Variants in PCDH15 observed in about 807,000 individuals in gnomAD.
The protein encoded by PCDH15 is protocadherin-15.
Under a neutral mutation model 178.5 loss-of-function variants are expected in PCDH15, and 129 were observed. The observed-to-expected ratio is 0.72, with a 90% CI of 0.63 to 0.84. The LOEUF is 0.84. Among genes scored for constraint, PCDH15 ranks in the 40% least tolerant of loss-of-function variants. The probability of loss-of-function intolerance (pLI) is 0.00; values close to 1 mark genes in which losing one functional copy is unlikely to be tolerated. For missense variants in PCDH15, 2,230 were observed against 2,099.9 expected (o/e 1.06, Z -1.21); for synonymous variants, 800 against 732.0 (o/e 1.09, Z -1.50).
chr10:54,884,076 T>C (rs773203570), intron 3 of PCDH15, among the ~76,000 whole-genome samples: 2 of 152,056 alleles, frequency 1.3e-5, no homozygotes, highest in Admixed American at 1.3e-4. Flanking sequence ...TTTATGTTTT[T>C]ATGTGGCTCA....
At chr10:54,595,026 C>T (rs2092137319) in intron 2 of PCDH15, among the ~76,000 whole-genome samples, 1 of 152,218 alleles carries the variant, frequency 6.6e-6, no homozygotes, top group South Asian at 2.1e-4. Context: ...CAAATGTGCA[C>T]ACCATTGCCA....
At chr10:54,513,856 A>G (rs2081949917) in intron 3 of PCDH15, among the ~76,000 whole-genome samples, 1 of 152,186 alleles carries the variant, frequency 6.6e-6, no homozygotes, top group Non-Finnish European at 1.5e-5. Context: ...CAAAAAAGAT[A>G]GTCTTTGCCC....
At chr10:55,042,204 G>T (rs1300899050) in intron 2 of PCDH15, among the ~76,000 whole-genome samples, 1 of 152,092 alleles carries the variant, frequency 6.6e-6, no homozygotes, top group Non-Finnish European at 1.5e-5. Context: ...CCCTCTGAAG[G>T]AAGAATAGGC....
At chr10:54,390,011 T>A (rs1950359503) in intron 3 of PCDH15, among the ~76,000 whole-genome samples, 1 of 152,304 alleles carries the variant, frequency 6.6e-6, no homozygotes, top group Non-Finnish European at 1.5e-5. Flanking sequence ...AACCTTGTTT[T>A]ATAATGTGCT....
chr10:54,721,415 T>A (rs1200621274), intron 1 of PCDH15, among the ~76,000 whole-genome samples: 1 of 150,946 alleles, frequency 6.6e-6, no homozygotes, highest in Non-Finnish European at 1.5e-5. Flanking sequence ...ACCAAATAAA[T>A]AACAAAAAGG....
At chr10:54,534,139 C>T (rs187235829) in intron 2 of PCDH15, among the ~76,000 whole-genome samples, 6 of 152,122 alleles carry the variant, frequency 3.9e-5, no homozygotes, top group African/African-American at 1.2e-4. Flanking sequence ...TTATTAGTAT[C>T]CTTATTTTCA....
At chr10:55,391,028 C>T (rs1422519517) in intron 2 of PCDH15, among the ~76,000 whole-genome samples, 1 of 152,184 alleles carries the variant, frequency 6.6e-6, no homozygotes, top group African/African-American at 2.4e-5. Context: ...TCAGCCTATC[C>T]TTTGAAGCTT....
At chr10:54,933,770 A>C (rs1468832483) in intron 2 of PCDH15, among the ~76,000 whole-genome samples, 1 of 152,146 alleles carries the variant, frequency 6.6e-6, no homozygotes, top group African/African-American at 2.4e-5. Flanking sequence ...AAACTTTATC[A>C]GTGAAAAACT....
intron 1 of PCDH15, among the ~76,000 whole-genome samples, chr10:54,752,530 A>AAAAAAAAAAAAAAAAC: frequency 2.3e-5 from 1 of 43,948 alleles, no homozygotes; most frequent in East Asian, 2.7e-4. Flanking sequence ...ACAAACAAAC[A>AAAAAAAAAAAAAAAAC]AAAAAAAACA....
At chr10:54,535,597 C>G (rs1373761936) in intron 2 of PCDH15, among the ~76,000 whole-genome samples, 1 of 148,204 alleles carries the variant, frequency 6.7e-6, no homozygotes, top group Admixed American at 6.9e-5. Context: ...GTAGTCCCAG[C>G]TATTCGGGAG....
At chr10:53,841,850 T>A (rs2077667335) in intron 28 of PCDH15, among the ~76,000 whole-genome samples, 1 of 150,686 alleles carries the variant, frequency 6.6e-6, no homozygotes, top group African/African-American at 2.4e-5. Flanking sequence ...CAATTCCAGC[T>A]AGTCGGGAGA....
At chr10:55,331,286 T>C (rs1263588285) in intron 2 of PCDH15, among the ~76,000 whole-genome samples, 1 of 152,018 alleles carries the variant, frequency 6.6e-6, no homozygotes, top group Non-Finnish European at 1.5e-5. Flanking sequence ...GAATGATTTG[T>C]AGTACTGTAG....
intron 3 of PCDH15, among the ~76,000 whole-genome samples, chr10:54,457,651 T>TA (rs1182146657): frequency 6.6e-6 from 1 of 152,162 alleles, no homozygotes; most frequent in Non-Finnish European, 1.5e-5. Context: ...ATTCTAGGCA[T>TA]AAAAATTATA....
At chr10:55,535,148 C>T in intron 2 of PCDH15, among the ~76,000 whole-genome samples, 1 of 151,866 alleles carries the variant, frequency 6.6e-6, no homozygotes, top group Middle Eastern at 3.4e-3. Context: ...TAAATCTGCA[C>T]ATGTATCTCC....
chr10:55,456,023 T>G (rs940227849), intron 2 of PCDH15, among the ~76,000 whole-genome samples: 1 of 152,122 alleles, frequency 6.6e-6, no homozygotes, highest in East Asian at 1.9e-4. Context: ...CAATCACAGA[T>G]AGCCAACTCA....
chr10:54,217,186 A>G (rs139986578), intron 9 of PCDH15, among the ~76,000 whole-genome samples: 35 of 152,254 alleles, frequency 2.3e-4, no homozygotes, highest in African/African-American at 7.9e-4. Flanking sequence ...AGAGCTACAT[A>G]TGTTATATAT....
chr10:54,966,422 A>G (rs927169562), intron 2 of PCDH15, among the ~76,000 whole-genome samples: 47 of 152,144 alleles, frequency 3.1e-4, no homozygotes, highest in African/African-American at 1.1e-3. Context: ...ATGCACTTAC[A>G]TAAACCTAGA....
intron 25 of PCDH15, among the ~76,000 whole-genome samples, chr10:53,910,759 A>G (rs77351671): frequency 6.6e-6 from 1 of 152,188 alleles, no homozygotes; most frequent in Non-Finnish European, 1.5e-5. Flanking sequence ...GGAAGCTAAA[A>G]ACCTTAAAAA....
intron 14 of PCDH15, among the ~76,000 whole-genome samples, chr10:54,146,914 T>TATATAGTGTATATATATATAATGTATAG (rs2043983334): frequency 2.1e-5 from 3 of 145,860 alleles, no homozygotes; most frequent in Non-Finnish European, 4.5e-5. Flanking sequence ...ATAGTGTATA[T>TATATAGTGTATATATATATAATGTATAG]ATATAGTGTA....
Sources: gnomAD v4.1 joint callset for allele counts (sites outside exome capture counted in the v4.1 genomes callset) on GRCh38, gnomAD v4.1.1 for gene constraint, MANE v1.5 for transcripts, NCBI Gene and HGNC (gene_info 2026-07-23, HGNC 2026-07-21) for gene names.